Variants in CNTNAP2 observed in about 807,000 individuals in gnomAD.
CNTNAP2 encodes contactin-associated protein-like 2.
A neutral mutation model predicts 155.2 loss-of-function variants in CNTNAP2; 98 were observed. That is an observed-to-expected ratio of 0.63 (90% CI 0.54 to 0.75). The LOEUF (loss-of-function observed/expected upper bound fraction) is 0.75. Among genes scored for constraint, CNTNAP2 ranks in the 30% least tolerant of loss-of-function variants. The pLI is 0.00. For missense variants in CNTNAP2, 1,727 were observed against 1,688.1 expected, an observed-to-expected ratio of 1.02 and a Z score of -0.40; for synonymous variants, 651 against 631.2, an observed-to-expected ratio of 1.03 and a Z score of -0.47.
chr7:147,074,541 C>A (rs1375535897), intron 4 of CNTNAP2, among the ~76,000 whole-genome samples: 4 of 152,176 alleles, frequency 2.6e-5, no homozygotes, highest in Non-Finnish European at 4.4e-5. Context: ...AATGCAAAAG[C>A]CCCATTAGAT....
intron 1 of CNTNAP2, among the ~76,000 whole-genome samples, chr7:146,566,824 C>T (rs1226595310): frequency 1.3e-5 from 2 of 152,090 alleles, no homozygotes; most frequent in Non-Finnish European, 2.9e-5. Flanking sequence ...TTTCTATGAT[C>T]CTAGAAAGGT....
intron 13 of CNTNAP2, among the ~76,000 whole-genome samples, chr7:147,772,408 A>AAAAAT (rs1554432775): frequency 6.0e-5 from 8 of 133,164 alleles, no homozygotes; most frequent in Admixed American, 4.0e-4. Flanking sequence ...TAAAAAAAAA[A>AAAAAT]ATATATATAT....
intron 1 of CNTNAP2, among the ~76,000 whole-genome samples, chr7:146,492,257 G>C (rs1346464132): frequency 3.3e-5 from 5 of 151,644 alleles, no homozygotes; most frequent in Admixed American, 2.6e-4. Flanking sequence ...GAGAGAGAGA[G>C]ACAGAGAGAG....
At chr7:147,953,563 G>A (rs893545645) in intron 14 of CNTNAP2, among the ~76,000 whole-genome samples, 7 of 152,156 alleles carry the variant, frequency 4.6e-5, no homozygotes, top group African/African-American at 1.7e-4. Flanking sequence ...TATTGGTTAT[G>A]CTGATTAGAG....
chr7:147,040,863 T>G (rs886837211), intron 3 of CNTNAP2, among the ~76,000 whole-genome samples: 1 of 152,164 alleles, frequency 6.6e-6, no homozygotes, highest in Non-Finnish European at 1.5e-5. Context: ...TCATCATATC[T>G]TTCCCTCTCT....
At chr7:146,148,210 C>T (rs555357092) in intron 1 of CNTNAP2, among the ~76,000 whole-genome samples, 14 of 152,050 alleles carry the variant, frequency 9.2e-5, no homozygotes, top group East Asian at 5.8e-4. Context: ...ATTAATAAGA[C>T]GATGATCATG....
rs569885743 is a variant in CNTNAP2 at position 146,579,691 on chromosome 7, C to G, written c.98-194580C>G. ...TTCCAGGAAAAGACTAAAAATTACC[C>G]TAGGCACAAGCTGTTTAATTTCCAC... On this transcript the variant is annotated intron_variant, in intron 1 of 23. Coordinates refer to ENST00000361727, the MANE Select transcript of CNTNAP2 (RefSeq NM_014141.6). 5.8e-3 allele frequency among the ~76,000 whole-genome samples: 886 copies of G among 152,168 alleles called. 9 individuals carry two copies. Among genetic ancestry groups the G allele is most frequent in the Non-Finnish European group, 7.5e-3 (508 of 67,998 alleles).
chr7:146,325,089 T>C (rs953097285), intron 1 of CNTNAP2, among the ~76,000 whole-genome samples: 4 of 152,000 alleles, frequency 2.6e-5, no homozygotes, highest in Admixed American at 1.3e-4. Flanking sequence ...TGCACACTAC[T>C]ACCAATTTTT....
chr7:146,558,067 T>A (rs1408594200), intron 1 of CNTNAP2, among the ~76,000 whole-genome samples: 1 of 152,182 alleles, frequency 6.6e-6, no homozygotes, highest in Non-Finnish European at 1.5e-5. Context: ...ACAGTTTCAC[T>A]TAGACAGACA....
At chr7:147,228,064 A>T (rs1293790634) in intron 8 of CNTNAP2, among the ~76,000 whole-genome samples, 1 of 152,208 alleles carries the variant, frequency 6.6e-6, no homozygotes, top group East Asian at 1.9e-4. Context: ...GTCAAGGAAC[A>T]GTAGATGAAC....
chr7:146,773,472 C>T lies in CNTNAP2; in HGVS notation c.98-799C>T, dbSNP rs10276689. Among the ~76,000 whole-genome samples the T allele has an allele frequency of 6.6e-3, 1,000 of 152,184 alleles. 10 individuals are homozygous for T. The highest frequency in any genetic ancestry group is 0.022 in the African/African-American group (929 of 41,528). On this transcript the variant is annotated intron_variant, in intron 1 of 23. Transcript: ENST00000361727. ...GTGCAGTGGCACGATCTTGGCTCACCGCAACCTCTGCCTGCCAGGTTCAAG... is the reference window on the plus strand; with the variant it reads ...GTGCAGTGGCACGATCTTGGCTCACTGCAACCTCTGCCTGCCAGGTTCAAG...
chr7:148,137,345 C>A lies in CNTNAP2; in HGVS notation c.2555-10146C>A, dbSNP rs1348218532. On this transcript the variant is annotated intron_variant, in intron 16 of 23. Coordinates refer to ENST00000361727, the MANE Select transcript of CNTNAP2 (RefSeq NM_014141.6). ...GGCACTTTTATAGAAGTCTTTCACA[C>A]TTTAAGAAAGCTTGCTATATAGAAA... is the stretch of plus-strand genomic sequence containing the variant. 4.6e-5 allele frequency among the ~76,000 whole-genome samples: 7 copies of A among 152,192 alleles called. 1 individual carries two copies. The highest frequency in any genetic ancestry group is 4.6e-4 in the Admixed American group (7 of 15,280).
intron 13 of CNTNAP2, among the ~76,000 whole-genome samples, chr7:147,697,902 C>T (rs1796185996): frequency 6.6e-6 from 1 of 152,186 alleles, no homozygotes; most frequent in Non-Finnish European, 1.5e-5. Context: ...AGCTGGCAGA[C>T]TCCTGGAGAG....
intron 10 of CNTNAP2, among the ~76,000 whole-genome samples, chr7:147,485,535 C>T (rs915213877): frequency 7.2e-5 from 11 of 152,170 alleles, no homozygotes; most frequent in African/African-American, 2.7e-4. Flanking sequence ...TGATACCCCT[C>T]TTTACGTCAG....
At chr7:147,628,105 G>A (rs189148398) in intron 12 of CNTNAP2, among the ~76,000 whole-genome samples, 3 of 152,204 alleles carry the variant, frequency 2.0e-5, no homozygotes, top group African/African-American at 7.2e-5. Context: ...TAGAGATCAA[G>A]ATACCCAAAT....
chr7:148,126,382 A>G (rs1804716111), intron 16 of CNTNAP2, among the ~76,000 whole-genome samples: 1 of 152,228 alleles, frequency 6.6e-6, no homozygotes, highest in South Asian at 2.1e-4. Flanking sequence ...GTCTGAATGG[A>G]GAGCCCCAGA....
At chr7:148,160,608 T>C (rs1286660090) in intron 17 of CNTNAP2, among the ~76,000 whole-genome samples, 1 of 152,222 alleles carries the variant, frequency 6.6e-6, no homozygotes, top group Non-Finnish European at 1.5e-5. Context: ...AATTTTGACT[T>C]GGCAGTGAAA....
At chr7:146,463,227 TA>T in intron 1 of CNTNAP2, among the ~76,000 whole-genome samples, 1 of 152,310 alleles carries the variant, frequency 6.6e-6, no homozygotes, top group East Asian at 1.9e-4. Context: ...TCTGATAATC[TA>T]TTCTATGTTT....
At chr7:147,835,552 C>T (rs1798619416) in intron 13 of CNTNAP2, among the ~76,000 whole-genome samples, 1 of 152,116 alleles carries the variant, frequency 6.6e-6, no homozygotes, top group Admixed American at 6.5e-5. Flanking sequence ...AGAAATAACA[C>T]AGCAATAATG....
Sources: allele counts gnomAD v4.1 joint callset (sites outside exome capture counted in the v4.1 genomes callset), GRCh38; gene constraint gnomAD v4.1.1; transcripts MANE v1.5; gene names NCBI Gene and HGNC (gene_info 2026-07-23, HGNC 2026-07-21).